The following KIF17 variants were observed in gnomAD, a reference collection of about 807,000 sequenced individuals.
KIF17 encodes the protein kinesin-like protein KIF17.
A neutral mutation model predicts 96.8 loss-of-function variants in KIF17; 80 were observed. The ratio of observed to expected loss-of-function variants is 0.83; its 90% CI spans 0.69 to 1.00. The LOEUF is 1.00. Among genes scored for constraint, KIF17 ranks in the 50% least tolerant of loss-of-function variants. The pLI is 0.00. For missense variants in KIF17, 1,280 were observed against 1,372.9 expected, an observed-to-expected ratio of 0.93 and a Z score of 1.07; for synonymous variants, 567 against 587.5, an observed-to-expected ratio of 0.97 and a Z score of 0.51.
At chr1:20,661,903 C>G (rs2053442349), downstream of KIF17, among the ~76,000 whole-genome samples, 1 of 152,382 alleles carries the variant, frequency 6.6e-6, no homozygotes, top group South Asian at 2.1e-4. Flanking sequence ...TCCTTCCTGC[C>G]GCTCACGGCT....
chr1:20,698,789 G>A (rs186203134), intron 5 of KIF17, among the ~76,000 whole-genome samples: 17 of 152,246 alleles, frequency 1.1e-4, no homozygotes, highest in African/African-American at 4.1e-4. Flanking sequence ...ATGCCTCGTG[G>A]TGGTGTTCGA....
chr1:20,703,200 A>AGATGGAAG (rs1029774359), intron 5 of KIF17, among the ~76,000 whole-genome samples: 1 of 128,720 alleles, frequency 7.8e-6, no homozygotes, highest in Non-Finnish European at 1.6e-5. Context: ...GATGGATGGG[A>AGATGGAAG]GATGGAAGGA....
At chr1:20,708,773 G>A (rs1277688628) in intron 4 of KIF17, among the ~76,000 whole-genome samples, 1 of 152,156 alleles carries the variant, frequency 6.6e-6, no homozygotes, top group Non-Finnish European at 1.5e-5. Flanking sequence ...TGGAATGAAG[G>A]GTATAAAGGG....
At chr1:20,717,022 A>T (rs1425696916) in intron 1 of KIF17, among the ~76,000 whole-genome samples, 1 of 152,178 alleles carries the variant, frequency 6.6e-6, no homozygotes, top group Non-Finnish European at 1.5e-5. Flanking sequence ...GGTGTGCCCC[A>T]TCTTGCCAGT....
At chr1:20,716,763 A>C (rs2054585114) in intron 1 of KIF17, among the ~76,000 whole-genome samples, 1 of 152,240 alleles carries the variant, frequency 6.6e-6, no homozygotes, top group African/African-American at 2.4e-5. Flanking sequence ...GTCATTCTTC[A>C]TTCATCGCTG....
rs116367430 is a variant in KIF17, at chr1:20,682,793, C to A, written c.2323G>T (p.Asp775Tyr). ...GCCACCAGCTGCTTCCTGCGCTCGT[C>A]TGCGTAGCGCTTGCGCCGCTTGTGC... The part of the protein sequence containing the change: ...EKHKRRKRYA[D>Y]ERRKQLVAAL... The change falls in exon 11 of 15, where the codon GAC becomes TAC. Residue 775 changes from aspartate to tyrosine, a missense_variant. By Grantham distance (160) the Asp-to-Tyr change is radical (BLOSUM62 -3). Transcript: ENST00000400463. 9 of 1,612,862 alleles carry A rather than the reference C, an allele frequency of 5.6e-6. No homozygotes were observed. In the East Asian group the frequency reaches 1.8e-4, roughly 32 times the overall value.
In KIF17 at chr1:20,717,885, G is replaced by A; in HGVS notation, c.-179C>T. 1 of 345,324 alleles carries A rather than the reference G, an allele frequency of 2.9e-6. No homozygotes were observed. Among genetic ancestry groups the A allele is most frequent in the South Asian group, 1.3e-4 (1 of 7,776 alleles). 21.4% of individuals were successfully genotyped at this position (345,324 alleles called of 1,614,324 possible). On this transcript the variant is annotated 5_prime_UTR_variant, in exon 1 of 15. In the 5' UTR this introduces an upstream ATG that the reference lacks. Coordinates refer to ENST00000400463, the MANE Select transcript of KIF17 (RefSeq NM_001122819.3). ...GGGGCGCCCCGGAGGGGAGCTGGGCGTCGCAGGACCCGAGCCGGGGCCGCC... is the reference window on the plus strand; with the variant it reads ...GGGGCGCCCCGGAGGGGAGCTGGGCATCGCAGGACCCGAGCCGGGGCCGCC...
At position 20,713,539 on chromosome 1, in the gene KIF17, T is replaced by A; in HGVS notation, c.395A>T (p.Lys132Met). ...CAGGTAGGAGGCCCGGACCAGGAAC[T>A]TAGTGTTCTCTGCACACTGCAGGGA... The part of the protein sequence containing the change: ...FESVQCAENT[K>M]FLVRASYLEI... The change falls in exon 3 of 15, where the codon AAG becomes ATG. Residue 132 changes from lysine to methionine, a missense_variant. Lys to Met is a moderately conservative substitution (Grantham distance 95). Coordinates refer to ENST00000400463, the MANE Select transcript of KIF17 (RefSeq NM_001122819.3). 1 of 1,612,916 alleles carries A rather than the reference T, an allele frequency of 6.2e-7. No homozygotes were observed.
chr1:20,686,205 C>T (rs1356857983), intron 8 of KIF17, 79 bp from the exon 9 acceptor site: 1 of 1,226,502 alleles, frequency 8.2e-7, no homozygotes, highest in East Asian at 2.5e-5. Context: ...CCCCTGGCCT[C>T]ACTTCAACTC....
Position 20,687,591 on chromosome 1 carries a change from C to A in KIF17, c.1735G>T (p.Glu579Ter). ...EESRSRYFLD[E>*]CLGQEAAGHL... ...CCAGCGGCCTCCTGCCCGAGGCACT[C>A]ATCCAGGAAGTATCTGCTCCTGGAC... The change falls in exon 8 of 15, where the codon GAG (glutamate) becomes TAG (stop). Residue 579 changes from glutamate (E) to a stop codon, truncating the protein, a stop_gained. Coordinates refer to ENST00000400463, the MANE Select transcript of KIF17 (RefSeq NM_001122819.3). LOFTEE classifies it high-confidence loss of function. The surrounding 1 kb of genome is among the most constrained non-coding windows in gnomAD (Gnocchi z 4.4). The A allele has an allele frequency of 6.2e-7, 1 of 1,614,096 alleles. No individual in the cohort carries two copies. Among genetic ancestry groups the A allele is most frequent in the African/African-American group, 1.3e-5 (1 of 75,056 alleles).
chr1:20,687,666 G>T lies in KIF17; in HGVS notation c.1660C>A (p.Pro554Thr), dbSNP rs1039642164. ...ACGTTGGAGGGCTCCTCAGGCCCAGGGAAAGCCTCGGACACAGAGGTTTCT... is the reference window on the plus strand; with the variant it reads ...ACGTTGGAGGGCTCCTCAGGCCCAGTGAAAGCCTCGGACACAGAGGTTTCT... ...LEETSVSEAF[P>T]GPEEPSNVEV... The change falls in exon 8 of 15, where the codon CCT (proline) becomes ACT (threonine). Residue 554 changes from proline to threonine, a missense_variant. By Grantham distance (38) the Pro-to-Thr change is conservative. Coordinates refer to ENST00000400463, the MANE Select transcript of KIF17 (RefSeq NM_001122819.3). This position sits in a 1 kb window ranked among gnomAD's most constrained non-coding sequence, Gnocchi z 4.4. 6.2e-7 allele frequency: 1 copy of T among 1,614,188 alleles called. No individual in the cohort carries two copies. Among genetic ancestry groups the T allele is most frequent in the Admixed American group, 1.7e-5 (1 of 60,014 alleles).
chr1:20,698,316 G>A (rs543508444), intron 6 of KIF17, 63 bp downstream of exon 6: 1 of 1,167,988 alleles, frequency 8.6e-7, no homozygotes, highest in Non-Finnish European at 1.3e-6. Context: ...CGGCAGCCCT[G>A]CCCTTCCCGC....
At chr1:20,698,584 A>C (rs755316946) in intron 5 of KIF17, 96 bp from the exon 6 acceptor site, 2 of 782,092 alleles carry the variant, frequency 2.6e-6, no homozygotes, top group Non-Finnish European at 4.4e-6. Flanking sequence ...ATGGTCATTC[A>C]AGAAGACTTT....
intron 12 of KIF17, among the ~76,000 whole-genome samples, chr1:20,671,345 T>C (rs2053644062): frequency 6.6e-6 from 1 of 152,186 alleles, no homozygotes. Flanking sequence ...TCGGGGTTTG[T>C]TTTGAGACAG....
At chr1:20,707,659 AC>A (rs2054363966) in intron 4 of KIF17, among the ~76,000 whole-genome samples, 1 of 151,262 alleles carries the variant, frequency 6.6e-6, no homozygotes, top group South Asian at 2.1e-4. Context: ...GTTCCAAGCT[AC>A]TTGGGAGGCT....
In KIF17 at chr1:20,685,196, G is replaced by A. The variant is rs777041280; in HGVS notation, c.2020-176C>T. The A allele has an allele frequency of 2.4e-5, 17 of 708,874 alleles. No individual in the cohort carries two copies. Among genetic ancestry groups the A allele is most frequent in the African/African-American group, 1.2e-4 (7 of 57,146 alleles). 43.9% of individuals were successfully genotyped at this position (708,874 alleles called of 1,614,324 possible). Reference sequence around the variant, plus strand: ...CACGCCCTGTTGAGTTCTTACTGCCGCTATTCCCACTGACACCCCCACGCT... The same window carrying A: ...CACGCCCTGTTGAGTTCTTACTGCCACTATTCCCACTGACACCCCCACGCT... On this transcript the variant is annotated intron_variant, in intron 9 of 14. Coordinates refer to ENST00000400463, the MANE Select transcript of KIF17 (RefSeq NM_001122819.3). This position sits in a 1 kb window ranked among gnomAD's most constrained non-coding sequence, Gnocchi z 4.1.
At chr1:20,661,825 C>T (rs1009353816), downstream of KIF17, among the ~76,000 whole-genome samples, 3 of 152,238 alleles carry the variant, frequency 2.0e-5, no homozygotes, top group Non-Finnish European at 4.4e-5. Context: ...AGGAACTAGG[C>T]CCCACCTCCA....
chr1:20,706,320 G>C (rs1162417467), intron 4 of KIF17, among the ~76,000 whole-genome samples: 1 of 151,840 alleles, frequency 6.6e-6, no homozygotes, highest in Non-Finnish European at 1.5e-5. Flanking sequence ...GCTGGGTGCG[G>C]TGGCTCATGC....
chr1:20,698,290 T>A (rs2054177024), intron 6 of KIF17, 89 bp downstream of exon 6: 1 of 859,786 alleles, frequency 1.2e-6, no homozygotes, highest in Non-Finnish European at 2.0e-6. Context: ...TACGGTGATA[T>A]CGCGTTGGAC....
Sources: allele counts gnomAD v4.1 joint callset (sites outside exome capture counted in the v4.1 genomes callset), GRCh38; gene constraint gnomAD v4.1.1; non-coding constraint Gnocchi (gnomAD v3.1); transcripts MANE v1.5; gene names NCBI Gene and HGNC (gene_info 2026-07-23, HGNC 2026-07-21).